LTBP1: variants seen among roughly 807,000 people sequenced by gnomAD.
The protein encoded by LTBP1 is latent transforming growth factor beta binding protein 1, also known as latent-transforming growth factor beta-binding protein 1.
Under a neutral mutation model 207.6 loss-of-function variants are expected in LTBP1, and 129 were observed. The observed-to-expected ratio is 0.62, with a 90% CI of 0.54 to 0.72. LTBP1 has a LOEUF of 0.72. Among genes scored for constraint, LTBP1 ranks in the 30% least tolerant of loss-of-function variants. The probability of loss-of-function intolerance (pLI) is 0.00; values close to 1 mark genes in which losing one functional copy is unlikely to be tolerated. For missense variants in LTBP1, 2,281 were observed against 2,217.2 expected (o/e 1.03, Z -0.58); for synonymous variants, 963 against 833.7 (o/e 1.16, Z -2.67).
Position 33,138,077 on chromosome 2 carries a change from T to C in LTBP1, c.1201+3117T>C, listed in dbSNP as rs140066553. Among the ~76,000 whole-genome samples, 1,253 of 152,246 alleles carry C rather than the reference T, an allele frequency of 8.2e-3. 12 individuals carry two copies. The highest frequency in any genetic ancestry group is 0.014 in the Middle Eastern group (4 of 294). On this transcript the variant is annotated intron_variant, in intron 5 of 33. Transcript: ENST00000404816. ...CTCCTCCACACAGTGCAGGTCCTAA[T>C]AGATATGTGGAGGTTGTTCTTTTAC... is the stretch of plus-strand genomic sequence containing the variant.
chr2:33,343,585 T>G (rs1573936459), intron 25 of LTBP1, among the ~76,000 whole-genome samples: 1 of 152,186 alleles, frequency 6.6e-6, no homozygotes, highest in African/African-American at 2.4e-5. Flanking sequence ...GTGTGTGGTA[T>G]AGATTGTCTG....
chr2:33,314,216 C>T (rs780772060), intron 23 of LTBP1, among the ~76,000 whole-genome samples: 1 of 152,148 alleles, frequency 6.6e-6, no homozygotes, highest in Non-Finnish European at 1.5e-5. Flanking sequence ...TCGCTGATTT[C>T]ATCATCGGAA....
intron 32 of LTBP1, among the ~76,000 whole-genome samples, chr2:33,390,374 T>C (rs1232304847): frequency 1.3e-5 from 2 of 152,138 alleles, no homozygotes; most frequent in Non-Finnish European, 2.9e-5. Flanking sequence ...AGGTCCACAA[T>C]GAAATATTAG....
chr2:33,342,706 T>A (rs1411195955), intron 24 of LTBP1, 132 bp from the exon 25 acceptor site: 1 of 755,214 alleles, frequency 1.3e-6, no homozygotes, highest in Admixed American at 2.9e-5. Flanking sequence ...AAAGCTGTTT[T>A]CTGTGTAAAC....
intron 3 of LTBP1, among the ~76,000 whole-genome samples, chr2:33,032,920 C>T (rs1036662722): frequency 8.5e-5 from 13 of 152,092 alleles, no homozygotes; most frequent in Non-Finnish European, 7.4e-5. Context: ...CTTACATATC[C>T]ATATCAGCTT....
intron 4 of LTBP1, among the ~76,000 whole-genome samples, chr2:33,123,759 A>G (rs1173252175): frequency 6.6e-6 from 1 of 152,148 alleles, no homozygotes; most frequent in Admixed American, 6.6e-5. Flanking sequence ...CCTCCTCCTC[A>G]TCTATTTAGC....
chr2:33,174,696 A>G (rs1271515896), intron 5 of LTBP1, among the ~76,000 whole-genome samples: 2 of 152,162 alleles, frequency 1.3e-5, no homozygotes, highest in African/African-American at 4.8e-5. Flanking sequence ...CCCGCATCGC[A>G]AAGTGAATCC....
In LTBP1 at chr2:33,288,258, T is replaced by C. The variant is rs372390298; in HGVS notation, c.3113-4902T>C. ...CCCCAAGCAGCTGCTACATGAAATG[T>C]AAGTGAGCACAGGCTGGGGAGAACA... On this transcript the variant is annotated intron_variant, in intron 19 of 33. Coordinates refer to ENST00000404816, the MANE Select transcript of LTBP1 (RefSeq NM_206943.4). Among the ~76,000 whole-genome samples, 27 of 152,276 alleles carry C rather than the reference T, an allele frequency of 1.8e-4. No homozygotes were observed. In the East Asian group the frequency reaches 3.3e-3, roughly 19 times the overall value.
intron 7 of LTBP1, among the ~76,000 whole-genome samples, chr2:33,208,171 A>T (rs2090019294): frequency 6.6e-6 from 1 of 152,210 alleles, no homozygotes; most frequent in Non-Finnish European, 1.5e-5. Context: ...TGTTAGAGTA[A>T]TGTGCTTCTG....
chr2:33,319,147 C>G (rs1167736952), intron 24 of LTBP1, among the ~76,000 whole-genome samples: 1 of 152,154 alleles, frequency 6.6e-6, no homozygotes, highest in Non-Finnish European at 1.5e-5. Flanking sequence ...CCTGTAATCC[C>G]AGCACTTTGG....
At chr2:33,226,331 C>T (rs2091436168) in intron 9 of LTBP1, among the ~76,000 whole-genome samples, 1 of 152,102 alleles carries the variant, frequency 6.6e-6, no homozygotes, top group Non-Finnish European at 1.5e-5. Flanking sequence ...GTGTTTATTG[C>T]AGTATAATCT....
chr2:33,148,605 A>G (rs766522644), intron 5 of LTBP1, among the ~76,000 whole-genome samples: 1 of 152,144 alleles, frequency 6.6e-6, no homozygotes, highest in Non-Finnish European at 1.5e-5. Context: ...TGGTCTACTA[A>G]TACCTAGCTT....
At chr2:33,300,351 T>G in intron 20 of LTBP1, 100 bp from the exon 21 acceptor site, 1 of 1,187,158 alleles carries the variant, frequency 8.4e-7, no homozygotes, top group African/African-American at 1.5e-5. Flanking sequence ...TAAGAAGTAC[T>G]ATTATTTTTG....
rs572628761 is a variant in LTBP1, at chr2:33,049,656, A to G, written c.863+28450A>G. On this transcript the variant is annotated intron_variant, in intron 3 of 33. Transcript: ENST00000404816. ...ATTTCATTTTTATCTCAGCCTTCCA[A>G]ATTTCTATTTTTGAGTATGTTTTGT... Among the ~76,000 whole-genome samples the G allele has an allele frequency of 2.0e-5, 3 of 152,248 alleles. No individual in the cohort carries two copies. In the East Asian group the frequency reaches 5.8e-4, roughly 29 times the overall value.
chr2:33,041,093 A>C (rs148345874), intron 3 of LTBP1, among the ~76,000 whole-genome samples: 2 of 152,330 alleles, frequency 1.3e-5, no homozygotes, highest in African/African-American at 4.8e-5. Context: ...AGTGAGAATT[A>C]GACTTGAACC....
intron 2 of LTBP1, among the ~76,000 whole-genome samples, chr2:32,992,877 T>C (rs1684637049): frequency 6.7e-6 from 1 of 150,190 alleles, no homozygotes; most frequent in African/African-American, 2.5e-5. Context: ...GGAGTGGGAG[T>C]AGGGAGTGGG....
intron 5 of LTBP1, among the ~76,000 whole-genome samples, chr2:33,166,543 T>C (rs2084935037): frequency 6.6e-6 from 1 of 152,222 alleles, no homozygotes; most frequent in East Asian, 1.9e-4. Flanking sequence ...TATTAGCGTG[T>C]ACACAAGGAT....
chr2:33,288,430 A>T (rs536552667), intron 19 of LTBP1, among the ~76,000 whole-genome samples: 1 of 152,262 alleles, frequency 6.6e-6, no homozygotes, highest in South Asian at 2.1e-4. Context: ...GATGAATTAC[A>T]CCCCAAGGCA....
chr2:33,106,519 C>T (rs1425158735), intron 3 of LTBP1, among the ~76,000 whole-genome samples: 1 of 152,074 alleles, frequency 6.6e-6, no homozygotes, highest in Non-Finnish European at 1.5e-5. Flanking sequence ...TAGCAGGCAC[C>T]AAAAAAGTTA....
Sources: gnomAD v4.1 joint callset for allele counts (sites outside exome capture counted in the v4.1 genomes callset) on GRCh38, gnomAD v4.1.1 for gene constraint, MANE v1.5 for transcripts, NCBI Gene and HGNC (gene_info 2026-07-23, HGNC 2026-07-21) for gene names.